Variants in VGLL3 observed in about 807,000 individuals in gnomAD.
VGLL3 encodes the protein vestigial like family member 3.
A neutral mutation model predicts 29.2 loss-of-function variants in VGLL3; 18 were observed. The observed-to-expected ratio is 0.62, with a 90% confidence interval of 0.43 to 0.91. VGLL3 has a LOEUF of 0.91. Among genes scored for constraint, VGLL3 ranks in the 40% least tolerant of loss-of-function variants. VGLL3 has a pLI of 0.00. For synonymous variants in VGLL3, 180 were observed against 151.8 expected (o/e 1.19, Z -1.36); for missense variants, 440 against 413.2 (o/e 1.06, Z -0.56).
chr3:86,951,815 T>A (rs1704624160), intron 3 of VGLL3, among the ~76,000 whole-genome samples: 1 of 151,816 alleles, frequency 6.6e-6, no homozygotes, highest in Non-Finnish European at 1.5e-5. Flanking sequence ...GTCCTGTCAG[T>A]ATTAGCTGTG....
At chr3:86,988,851 T>C (rs957772335) in intron 1 of VGLL3, among the ~76,000 whole-genome samples, 3 of 151,832 alleles carry the variant, frequency 2.0e-5, no homozygotes, top group Non-Finnish European at 4.4e-5. Flanking sequence ...TTGTTTTCTT[T>C]TTAAGAAGCT....
chr3:86,980,950 G>C (rs898163309), intron 1 of VGLL3, among the ~76,000 whole-genome samples: 2 of 152,030 alleles, frequency 1.3e-5, no homozygotes, highest in Non-Finnish European at 2.9e-5. Context: ...GTCCAGCTCA[G>C]CATCAGTTTG....
chr3:86,965,437 T>C (rs1204608731), intron 3 of VGLL3, among the ~76,000 whole-genome samples: 2 of 152,114 alleles, frequency 1.3e-5, no homozygotes, highest in African/African-American at 4.8e-5. Context: ...GACCCAACTT[T>C]CACTGTTCTC....
At chr3:86,988,832 G>A (rs1705516932) in intron 1 of VGLL3, among the ~76,000 whole-genome samples, 1 of 142,276 alleles carries the variant, frequency 7.0e-6, no homozygotes, top group African/African-American at 2.5e-5. Flanking sequence ...ACCAATCAAT[G>A]TAGATAAATT....
chr3:86,957,460 T>C (rs983640292), intron 3 of VGLL3, among the ~76,000 whole-genome samples: 13 of 152,208 alleles, frequency 8.5e-5, no homozygotes, highest in Middle Eastern at 3.2e-3. Flanking sequence ...TTCAGAACCA[T>C]GAGAGTTTTC....
chr3:86,961,030 A>G (rs1165569841), intron 3 of VGLL3, among the ~76,000 whole-genome samples: 1 of 151,300 alleles, frequency 6.6e-6, no homozygotes, highest in Admixed American at 6.6e-5. Context: ...TAAAAAGTAT[A>G]TGAATACCTC....
At chr3:86,953,368 T>C (rs1478202612) in intron 3 of VGLL3, among the ~76,000 whole-genome samples, 1 of 152,096 alleles carries the variant, frequency 6.6e-6, no homozygotes, top group African/African-American at 2.4e-5. Context: ...TATTCTATAG[T>C]ATACTATTAC....
At chr3:86,950,877 G>A (rs572639815) in intron 3 of VGLL3, among the ~76,000 whole-genome samples, 26 of 152,174 alleles carry the variant, frequency 1.7e-4, no homozygotes, top group African/African-American at 4.8e-4. Context: ...CTCTTGAGGC[G>A]GTTGTCAGAA....
At chr3:86,969,243 A>G in intron 2 of VGLL3, 120 bp from the exon 3 acceptor site, 5 of 1,224,634 alleles carry the variant, frequency 4.1e-6, no homozygotes, top group South Asian at 1.6e-5. Context: ...ATTAGCATGC[A>G]CTCTTATTCT....
Position 86,943,465 on chromosome 3 carries a change from A to G in VGLL3, c.*3559T>C, listed in dbSNP as rs1250057059. The G allele has an allele frequency of 6.6e-6, 1 of 152,174 alleles. No individual in the cohort carries two copies. Among genetic ancestry groups the G allele is most frequent in the East Asian group, 1.9e-4 (1 of 5,194 alleles). The allele number at this position is 152,174 out of a possible 1,614,324, so 9.4% of individuals were successfully genotyped here. On this transcript the variant is annotated 3_prime_UTR_variant, in exon 4 of 4. Transcript: ENST00000398399. Reference sequence around the variant, plus strand: ...AATACTTTTTGTATAATGAATAACAAGCTTCTCAAAGGCAACTTTCATGTC... The same window carrying G: ...AATACTTTTTGTATAATGAATAACAGGCTTCTCAAAGGCAACTTTCATGTC...
chr3:86,978,991 T>A (rs1055719560), intron 1 of VGLL3, among the ~76,000 whole-genome samples, 189 bp from the exon 2 acceptor site: 2 of 152,176 alleles, frequency 1.3e-5, no homozygotes, highest in African/African-American at 4.8e-5. Context: ...CTAAAAAAAA[T>A]ACAACAAAAA....
chr3:86,963,280 G>C (rs1559725046), intron 3 of VGLL3, among the ~76,000 whole-genome samples: 1 of 152,160 alleles, frequency 6.6e-6, no homozygotes, highest in Non-Finnish European at 1.5e-5. Context: ...CTTTATGATA[G>C]ATGCTACAAC....
chr3:86,947,041 C>G lies in VGLL3; in HGVS notation c.964G>C (p.Glu322Gln). ...TGTGTGTTTCAGTACCACGGTGATT[C>G]CTTACTCTTGTCTTGATGCTGTAGA... Reference protein sequence around the residue: ...TGLQHQDKSKESPWY With the variant: ...TGLQHQDKSKQSPWY The change falls in exon 4 of 4, where the codon GAA becomes CAA. Residue 322 changes from glutamate to glutamine, a missense_variant. By Grantham distance (29) the Glu-to-Gln change is conservative. Transcript: ENST00000398399. The G allele has an allele frequency of 1.3e-6, 1 of 780,512 alleles. No individual in the cohort carries two copies. Among genetic ancestry groups the G allele is most frequent in the Non-Finnish European group, 2.4e-6 (1 of 417,822 alleles). 48.3% of individuals were successfully genotyped at this position (780,512 alleles called of 1,614,324 possible).
At chr3:86,979,524 T>C (rs983981532) in intron 1 of VGLL3, among the ~76,000 whole-genome samples, 1 of 152,124 alleles carries the variant, frequency 6.6e-6, no homozygotes, top group African/African-American at 2.4e-5. Context: ...ATGAGAAAGA[T>C]TTGTTAATTT....
rs1302943896 is a variant in VGLL3, at chr3:86,968,879, G to A, written c.648C>T (p.Ser216=). The change falls in exon 3 of 4, where the codon AGC becomes AGT. Residue 216 remains serine, a synonymous_variant. Coordinates refer to ENST00000398399, the MANE Select transcript of VGLL3 (RefSeq NM_016206.4). ...SWPYPLTSQV[S]PSYSHMHDVY... is the part of the protein sequence containing the mutation. The stretch of plus-strand genomic sequence containing the variant: ...CGTCATGCATATGGCTGTAGGATGG[G>A]CTCACCTGAGATGTCAAAGGATAAG... 1.2e-6 allele frequency: 2 copies of A among 1,614,062 alleles called. No homozygotes were observed. The highest frequency in any genetic ancestry group is 2.7e-5 in the African/African-American group (2 of 74,922).
rs1168382334 is a variant in VGLL3 at position 86,940,580 on chromosome 3, A to T, written c.*6444T>A. 2.0e-5 allele frequency: 3 copies of T among 152,560 alleles called. No individual in the cohort carries two copies. The highest frequency in any genetic ancestry group is 7.2e-5 in the African/African-American group (3 of 41,452). 9.5% of individuals were successfully genotyped at this position (152,560 alleles called of 1,614,324 possible). A position where few individuals can be genotyped will look rare whatever the true frequency, so the allele number is the denominator to read the frequency against. ...ATAAGGAGGAAACAAAAAGAGCTTT[A>T]AATTCTCAAGAAATGCAGACCAAAT... is the stretch of plus-strand genomic sequence containing the variant. On this transcript the variant is annotated 3_prime_UTR_variant, in exon 4 of 4. Transcript: ENST00000398399.
chr3:86,974,298 T>G (rs1179884799), intron 2 of VGLL3, among the ~76,000 whole-genome samples: 1 of 152,054 alleles, frequency 6.6e-6, no homozygotes, highest in Non-Finnish European at 1.5e-5. Flanking sequence ...TTTGTGTTTT[T>G]AGTAGAGATG....
intron 1 of VGLL3, chr3:86,990,411 C>G (rs1705553832): frequency 1.0e-6 from 1 of 983,640 alleles, no homozygotes; most frequent in Non-Finnish European, 1.2e-6. Context: ...AATGAAGCCC[C>G]CAGCTAGGTC....
At chr3:86,973,671 T>C (rs1705151420) in intron 2 of VGLL3, among the ~76,000 whole-genome samples, 1 of 152,222 alleles carries the variant, frequency 6.6e-6, no homozygotes, top group African/African-American at 2.4e-5. Context: ...GTCTTGGTCC[T>C]ATGGACATTC....
Sources: gnomAD v4.1 joint callset for allele counts (sites outside exome capture counted in the v4.1 genomes callset) on GRCh38, gnomAD v4.1.1 for gene constraint, MANE v1.5 for transcripts, NCBI Gene and HGNC (gene_info 2026-07-23, HGNC 2026-07-21) for gene names.